Variants in SUGCT observed in about 807,000 individuals in gnomAD.
SUGCT encodes succinyl-CoA:glutarate CoA-transferase.
Under a neutral mutation model 55.0 loss-of-function variants are expected in SUGCT, and 41 were observed. That is an observed-to-expected ratio of 0.74 (90% CI 0.58 to 0.97). The LOEUF is 0.97. Among genes scored for constraint, SUGCT ranks in the 50% least tolerant of loss-of-function variants. The pLI is 0.00. For synonymous variants in SUGCT, 187 were observed against 200.4 expected, an observed-to-expected ratio of 0.93 and a Z score of 0.56; for missense variants, 568 against 547.8, an observed-to-expected ratio of 1.04 and a Z score of -0.37.
chr7:40,295,594 C>CAAAT (rs10683782), intron 8 of SUGCT, among the ~76,000 whole-genome samples: 66,274 of 151,576 alleles, frequency 0.44, 15,763 homozygotes, highest in African/African-American at 0.63. Context: ...AACAAACAAA[C>CAAAT]AAATAAAAGA....
intron 1 of SUGCT, among the ~76,000 whole-genome samples, chr7:40,147,520 T>C (rs1024776457): frequency 1.3e-5 from 2 of 152,236 alleles, no homozygotes; most frequent in East Asian, 3.9e-4. Flanking sequence ...AACCAAGGAA[T>C]ACTTTACCAC....
chr7:41,015,934 GGGAA>G, the SUGCT span, among the ~76,000 whole-genome samples: 6,865 of 152,258 alleles, frequency 0.045, 170 homozygotes, highest in South Asian at 0.089. Flanking sequence ...GGGGTGTGCT[GGGAA>G]GGACAAGCTC....
At chr7:40,940,157 G>C in the SUGCT span, among the ~76,000 whole-genome samples, 1 of 152,004 alleles carries the variant, frequency 6.6e-6, no homozygotes, top group East Asian at 1.9e-4. Flanking sequence ...TTATGTTTTT[G>C]TATGCTTTGT....
chr7:41,031,478 T>C, the SUGCT span, among the ~76,000 whole-genome samples: 4 of 152,312 alleles, frequency 2.6e-5, no homozygotes, highest in African/African-American at 7.2e-5. Context: ...GTGGTAAAAA[T>C]AGTCTTTTCC....
At chr7:40,819,520 A>C (rs557832855) in intron 13 of SUGCT, among the ~76,000 whole-genome samples, 16 of 152,194 alleles carry the variant, frequency 1.1e-4, no homozygotes, top group Non-Finnish European at 2.1e-4. Flanking sequence ...GATGCTGAGC[A>C]TTTTTTCATG....
intron 9 of SUGCT, among the ~76,000 whole-genome samples, chr7:40,411,494 T>C (rs187219830): frequency 6.6e-6 from 1 of 152,328 alleles, no homozygotes; most frequent in East Asian, 1.9e-4. Context: ...GAGGTCATTA[T>C]GTTAAATGAA....
At chr7:40,955,083 C>T in the SUGCT span, among the ~76,000 whole-genome samples, 1 of 152,110 alleles carries the variant, frequency 6.6e-6, no homozygotes, top group African/African-American at 2.4e-5. Context: ...ATGCCTCCAG[C>T]TTTGTTCTTT....
intron 12 of SUGCT, among the ~76,000 whole-genome samples, chr7:40,592,005 T>C (rs769406831): frequency 6.6e-6 from 1 of 152,198 alleles, no homozygotes; most frequent in Non-Finnish European, 1.5e-5. Flanking sequence ...TGAGCCAAAC[T>C]TGTAATATCT....
the SUGCT span, among the ~76,000 whole-genome samples, chr7:41,018,393 G>A: frequency 6.6e-6 from 1 of 152,110 alleles, no homozygotes; most frequent in South Asian, 2.1e-4. Flanking sequence ...TTCCTCACTG[G>A]AAGTCAGACT....
At chr7:40,195,215 C>CTTT (rs1786179083) in intron 6 of SUGCT, among the ~76,000 whole-genome samples, 155 bp downstream of exon 6, 1 of 119,030 alleles carries the variant, frequency 8.4e-6, no homozygotes, top group Non-Finnish European at 1.7e-5. Flanking sequence ...TTACTTTTTT[C>CTTT]TTTTTTCTTT....
intron 9 of SUGCT, among the ~76,000 whole-genome samples, chr7:40,323,659 C>G (rs569110883): frequency 7.4e-4 from 112 of 152,284 alleles, no homozygotes; most frequent in Middle Eastern, 3.4e-3. Flanking sequence ...TCCCAAAGTG[C>G]TAAGATTACA....
intron 9 of SUGCT, among the ~76,000 whole-genome samples, chr7:40,417,049 T>A (rs1420531605): frequency 6.6e-6 from 1 of 152,028 alleles, no homozygotes; most frequent in Non-Finnish European, 1.5e-5. Context: ...GAGTTGCATA[T>A]AATATTTTCA....
At chr7:40,908,768 A>C in the SUGCT span, among the ~76,000 whole-genome samples, 1 of 152,188 alleles carries the variant, frequency 6.6e-6, no homozygotes, top group African/African-American at 2.4e-5. Flanking sequence ...CTTACAATTT[A>C]ATACCATGTG....
At chr7:40,491,519 T>G (rs1474524739) in intron 11 of SUGCT, among the ~76,000 whole-genome samples, 2 of 152,104 alleles carry the variant, frequency 1.3e-5, no homozygotes, top group Non-Finnish European at 2.9e-5. Flanking sequence ...TGCATCTGAA[T>G]GGAATTATCC....
chr7:40,474,367 G>C (rs887759811), intron 11 of SUGCT, among the ~76,000 whole-genome samples: 1 of 152,010 alleles, frequency 6.6e-6, no homozygotes, highest in African/African-American at 2.4e-5. Context: ...TGGGTAGCTG[G>C]GGCTCAGTCA....
At chr7:40,625,304 T>C (rs1302924203) in intron 12 of SUGCT, among the ~76,000 whole-genome samples, 1 of 152,090 alleles carries the variant, frequency 6.6e-6, no homozygotes, top group African/African-American at 2.4e-5. Flanking sequence ...CACAGAGAAC[T>C]GTTCGTGAAG....
chr7:40,854,160 T>C (rs1311979311), intron 13 of SUGCT, among the ~76,000 whole-genome samples: 1 of 152,264 alleles, frequency 6.6e-6, no homozygotes, highest in Non-Finnish European at 1.5e-5. Flanking sequence ...CTTTTTTTCA[T>C]AGAGTATCTA....
At chr7:40,376,330 C>T (rs1008242207) in intron 9 of SUGCT, among the ~76,000 whole-genome samples, 13 of 151,330 alleles carry the variant, frequency 8.6e-5, no homozygotes, top group Non-Finnish European at 1.3e-4. Flanking sequence ...TTATTTCAAC[C>T]GTTGTGATCA....
chr7:40,429,838 C>T (rs547103216), intron 9 of SUGCT, among the ~76,000 whole-genome samples: 2 of 152,160 alleles, frequency 1.3e-5, no homozygotes, highest in African/African-American at 4.8e-5. Flanking sequence ...AACCATCACA[C>T]ATAGTACCCT....
Sources: allele counts gnomAD v4.1 joint callset (sites outside exome capture counted in the v4.1 genomes callset), GRCh38; gene constraint gnomAD v4.1.1; transcripts MANE v1.5; gene names NCBI Gene and HGNC (gene_info 2026-07-23, HGNC 2026-07-21).